Variants in TRANK1 observed in about 807,000 individuals in gnomAD.
TRANK1 encodes tetratricopeptide repeat and ankyrin repeat containing 1.
A neutral mutation model predicts 266.0 loss-of-function variants in TRANK1; 198 were observed. The ratio of observed to expected loss-of-function variants is 0.74; its 90% CI spans 0.66 to 0.84. TRANK1 has a LOEUF of 0.84. TRANK1 is among the 40% of genes least tolerant of loss of function. The pLI is 0.00. For synonymous variants in TRANK1, 1,396 were observed against 1,384.1 expected (o/e 1.01, Z -0.19); for missense variants, 3,326 against 3,634.6 (o/e 0.92, Z 2.18).
chr3:36,846,927 C>G (rs1386490762), intron 16 of TRANK1, among the ~76,000 whole-genome samples: 1 of 152,196 alleles, frequency 6.6e-6, no homozygotes, highest in African/African-American at 2.4e-5. Context: ...ATCAAAATTT[C>G]TGAACAAAGC....
chr3:36,881,444 G>A (rs951069942), intron 8 of TRANK1, among the ~76,000 whole-genome samples: 4 of 150,172 alleles, frequency 2.7e-5, no homozygotes, highest in African/African-American at 4.9e-5. Flanking sequence ...GCAAGACTCC[G>A]TCTCAAAAAA....
rs1225215367 is a variant in TRANK1, at chr3:36,880,192, C to G, written c.908-5896G>C. On this transcript the variant is annotated intron_variant, in intron 8 of 23. Transcript: ENST00000645898. ...ACAATGTGAACAATTACATCATCTT[C>G]TGGACGAGAATGCCAAGTTAGTCTT... The G allele has an allele frequency of 1.1e-5, 2 of 181,460 alleles. 1 individual carries two copies. The highest frequency in any genetic ancestry group is 2.5e-5 in the Non-Finnish European group (2 of 78,884). The allele number at this position is 181,460 out of a possible 1,614,324, so 11.2% of individuals were successfully genotyped here. A position where few individuals can be genotyped will look rare whatever the true frequency, so the allele number is the denominator to read the frequency against.
Position 36,874,212 on chromosome 3 carries a change from ACATC to A in TRANK1, c.988_991del (p.Asp330SerfsTer2). ...TTTGAAGTTCTTATTCCTCTTCAGG[ACATC>A]CACAACAGACCGAGACTGTCGATCC... On this transcript the variant is annotated frameshift_variant, in exon 9 of 24. Coordinates refer to ENST00000645898, the MANE Select transcript of TRANK1 (RefSeq NM_001329998.2). LOFTEE classifies it high-confidence loss of function. 1 of 1,537,240 alleles carries A rather than the reference ACATC, an allele frequency of 6.5e-7. No homozygotes were observed. The highest frequency in any genetic ancestry group is 8.7e-7 in the Non-Finnish European group (1 of 1,146,900).
At chr3:36,899,783 A>G (rs1209802293) in intron 3 of TRANK1, among the ~76,000 whole-genome samples, 1 of 152,254 alleles carries the variant, frequency 6.6e-6, no homozygotes, top group Non-Finnish European at 1.5e-5. Context: ...CATGACTTAC[A>G]TAGCATCTAA....
chr3:36,929,945 T>G (rs1212545703), intron 1 of TRANK1, among the ~76,000 whole-genome samples: 1 of 151,882 alleles, frequency 6.6e-6, no homozygotes, highest in Admixed American at 6.6e-5. Flanking sequence ...TCACTCTTGT[T>G]GCCCAGGCTG....
chr3:36,903,342 C>A (rs985223432), intron 2 of TRANK1, 67 bp from the exon 3 acceptor site: 6 of 1,497,820 alleles, frequency 4.0e-6, no homozygotes, highest in East Asian at 2.5e-5. Context: ...GAAGTCCCCC[C>A]ATTCGGTGCT....
At chr3:36,861,704 CTTTTTTTT>C (rs375054559) in intron 10 of TRANK1, among the ~76,000 whole-genome samples, 1 of 124,134 alleles carries the variant, frequency 8.1e-6, no homozygotes, top group Non-Finnish European at 1.6e-5. Flanking sequence ...GAGTAGAAAA[CTTTTTTTT>C]TTTTTTTTTT....
intron 6 of TRANK1, 98 bp from the exon 7 acceptor site, chr3:36,892,438 G>A (rs1053358119): frequency 1.9e-5 from 27 of 1,412,262 alleles, no homozygotes; most frequent in Middle Eastern, 1.9e-4. Flanking sequence ...AGTAAAACTT[G>A]GATTAGCTGT....
At chr3:36,942,779 C>CATACTCTGGGAGAGCGGCGGAAACAG (rs938084098) in intron 1 of TRANK1, among the ~76,000 whole-genome samples, 1 of 151,946 alleles carries the variant, frequency 6.6e-6, no homozygotes, top group Non-Finnish European at 1.5e-5. Flanking sequence ...ACGGTCTCCT[C>CATACTCTGGGAGAGCGGCGGAAACAG]ATACTCTGGG....
intron 6 of TRANK1, 39 bp downstream of exon 6, chr3:36,892,862 T>TATATATATATATAG (rs1553626397): frequency 1.4e-6 from 1 of 738,810 alleles, no homozygotes; most frequent in African/African-American, 2.0e-5. Flanking sequence ...CATATATATA[T>TATATATATATATAG]ATATATATAG....
intron 23 of TRANK1, 131 bp from the exon 24 acceptor site, chr3:36,828,506 A>T (rs2078656873): frequency 6.0e-6 from 4 of 663,204 alleles, no homozygotes; most frequent in Admixed American, 2.7e-5. Flanking sequence ...CAGAATGGTG[A>T]TTTTTTTTCC....
At chr3:36,939,670 T>C (rs2080470212) in intron 1 of TRANK1, among the ~76,000 whole-genome samples, 1 of 152,212 alleles carries the variant, frequency 6.6e-6, no homozygotes, top group African/African-American at 2.4e-5. Flanking sequence ...CCAGGTACTC[T>C]GTCTGCCAGA....
In TRANK1 at chr3:36,857,749, T is replaced by G. The variant is rs1193352729; in HGVS notation, c.1973A>C (p.Gln658Pro). ...CTTCCCCAGGTGGGCAGCAGAGTCC[T>G]GCCGGCTCCTCCTCCTGTTCTCCAT... is the stretch of plus-strand genomic sequence containing the variant. ...ALMENRRRSR[Q>P]DSAAHLGKLS... Residue 658 changes from glutamine (Q) to proline (P), a missense_variant, in exon 13 of 24, where the codon CAG becomes CCG. Transcript: ENST00000645898. This position sits in a 1 kb window ranked among gnomAD's most constrained non-coding sequence, Gnocchi z 4.3. 1 of 1,614,022 alleles carries G rather than the reference T, an allele frequency of 6.2e-7. No homozygotes were observed. The highest frequency in any genetic ancestry group is 1.3e-5 in the African/African-American group (1 of 75,060).
At chr3:36,910,878 C>T (rs1002474785) in intron 1 of TRANK1, among the ~76,000 whole-genome samples, 1 of 151,958 alleles carries the variant, frequency 6.6e-6, no homozygotes, top group African/African-American at 2.4e-5. Context: ...GAGACCAGCC[C>T]GGCCAACATG....
chr3:36,852,080 C>A, intron 14 of TRANK1, 66 bp downstream of exon 14: 1 of 1,481,334 alleles, frequency 6.8e-7, no homozygotes. Flanking sequence ...TATAATTTAG[C>A]TTCTCAAACT....
chr3:36,941,255 AT>A (rs2080492403), intron 1 of TRANK1, among the ~76,000 whole-genome samples: 1 of 152,232 alleles, frequency 6.6e-6, no homozygotes, highest in Non-Finnish European at 1.5e-5. Flanking sequence ...TGCTTAAAAA[AT>A]AAAAAATCCC....
At chr3:36,891,932 C>A (rs917524254) in intron 7 of TRANK1, among the ~76,000 whole-genome samples, 1 of 152,106 alleles carries the variant, frequency 6.6e-6, no homozygotes, top group African/African-American at 2.4e-5. Flanking sequence ...TAAGTCCCTT[C>A]CATGGGTCCC....
chr3:36,834,066 T>C, intron 21 of TRANK1, 147 bp from the exon 22 acceptor site: 1 of 783,416 alleles, frequency 1.3e-6, no homozygotes, highest in African/African-American at 1.7e-5. Context: ...CATTCAAGTA[T>C]TTTTACAAAG....
Position 36,858,894 on chromosome 3 carries a change from G to A in TRANK1, c.1496C>T (p.Ala499Val). The change falls in exon 12 of 24, where the codon GCC becomes GTC. Residue 499 changes from alanine (A) to valine (V), a missense_variant and splice_region_variant. Transcript: ENST00000645898. ...QLLGCLIDSG[A>V]LPDGLQESQE... ...GCTCTCCTGAAGACCATCAGGCAAG[G>A]CTGGGAGAGGAGAGAAGGGAAGCGC... 6.5e-7 allele frequency: 1 copy of A among 1,533,486 alleles called. No individual in the cohort carries two copies. The allele number at this position is 1,533,486 out of a possible 1,614,324, so 95.0% of individuals were successfully genotyped here.
Sources: gnomAD v4.1 joint callset for allele counts (sites outside exome capture counted in the v4.1 genomes callset) on GRCh38, gnomAD v4.1.1 for gene constraint, Gnocchi (gnomAD v3.1) non-coding constraint, MANE v1.5 for transcripts, NCBI Gene and HGNC (gene_info 2026-07-23, HGNC 2026-07-21) for gene names.